GATAD2A: variants seen among roughly 807,000 people sequenced by gnomAD.
GATAD2A encodes the protein transcriptional repressor p66-alpha.
Under a neutral mutation model 68.5 loss-of-function variants are expected in GATAD2A, and 12 were observed. The observed-to-expected ratio is 0.18, with a 90% CI of 0.11 to 0.28. The LOEUF (loss-of-function observed/expected upper bound fraction) is 0.28. Ranked by LOEUF, GATAD2A falls within the 10% of genes least tolerant of loss-of-function variation. The probability of loss-of-function intolerance (pLI) is 1.00; values close to 1 mark genes in which losing one functional copy is unlikely to be tolerated. For missense variants in GATAD2A, 755 were observed against 868.5 expected, an observed-to-expected ratio of 0.87 and a Z score of 1.64; for synonymous variants, 410 against 375.3, an observed-to-expected ratio of 1.09 and a Z score of -1.07.
intron 2 of GATAD2A, among the ~76,000 whole-genome samples, chr19:19,475,400 TTGTG>T (rs2058607468): frequency 6.6e-6 from 1 of 152,142 alleles, no homozygotes; most frequent in Non-Finnish European, 1.5e-5. Flanking sequence ...CATTTTCCCT[TTGTG>T]TGACCACTGG....
At chr19:19,429,937 C>T (rs2053547724) in intron 1 of GATAD2A, among the ~76,000 whole-genome samples, 1 of 152,058 alleles carries the variant, frequency 6.6e-6, no homozygotes, top group African/African-American at 2.4e-5. Flanking sequence ...CAGGGACCGA[C>T]CTGAACACCT....
At chr19:19,401,139 C>CAAAA (rs750599017), upstream of GATAD2A, among the ~76,000 whole-genome samples, 33 of 42,498 alleles carry the variant, frequency 7.8e-4, 1 homozygote, top group Admixed American at 1.5e-3. Flanking sequence ...GACTCTGTCT[C>CAAAA]AAAAAAAAAA....
At chr19:19,388,933 C>T (rs774949663) in intron 1 of GATAD2A, among the ~76,000 whole-genome samples, 1 of 152,000 alleles carries the variant, frequency 6.6e-6, no homozygotes, top group Non-Finnish European at 1.5e-5. Context: ...GAGCAAGAAG[C>T]AGGAAATGGA....
At chr19:19,403,861 C>T (rs545543964), upstream of GATAD2A, among the ~76,000 whole-genome samples, 6 of 152,284 alleles carry the variant, frequency 3.9e-5, no homozygotes, top group East Asian at 7.7e-4. Flanking sequence ...ACCAACCTTG[C>T]GCTTGGGATC....
In GATAD2A at chr19:19,498,553, G is replaced by C. The variant is rs1305259701; in HGVS notation, c.1035G>C (p.Gln345His). ...VTSAESPASR[Q>H]AAAKLALRKQ... ...CTGCCGAGTCTCCAGCAAGCCGACA[G>C]GCGGCCGCCAAGCTGGCGCTGCGCA... Residue 345 changes from glutamine to histidine, a missense_variant, in exon 8 of 12, where the codon CAG (glutamine) becomes CAC (histidine). Coordinates refer to ENST00000683918, the MANE Select transcript of GATAD2A (RefSeq NM_001384528.1). 6.2e-7 allele frequency: 1 copy of C among 1,613,840 alleles called. No homozygotes were observed. Among genetic ancestry groups the C allele is most frequent in the African/African-American group, 1.3e-5 (1 of 74,948 alleles).
intron 9 of GATAD2A, among the ~76,000 whole-genome samples, chr19:19,501,754 T>C (rs983565824): frequency 3.9e-5 from 6 of 152,234 alleles, no homozygotes; most frequent in African/African-American, 1.4e-4. Context: ...ATTTTAATGC[T>C]TCTCCTTCCC....
chr19:19,399,915 A>T (rs999897946), intron 1 of GATAD2A, among the ~76,000 whole-genome samples: 6 of 152,160 alleles, frequency 3.9e-5, no homozygotes, highest in African/African-American at 1.4e-4. Context: ...TATTTATTAG[A>T]CCGATCATGT....
chr19:19,389,863 C>T (rs143425928), intron 1 of GATAD2A, among the ~76,000 whole-genome samples: 5 of 152,150 alleles, frequency 3.3e-5, no homozygotes, highest in South Asian at 4.1e-4. Flanking sequence ...TACTGGCTCA[C>T]GTGATCCTCC....
chr19:19,401,139 CAAAAAAA>C (rs750599017), upstream of GATAD2A, among the ~76,000 whole-genome samples: 3 of 42,524 alleles, frequency 7.1e-5, no homozygotes, highest in African/African-American at 9.4e-5. Context: ...GACTCTGTCT[CAAAAAAA>C]AAAAAAAAAA....
At chr19:19,501,048 G>A in intron 8 of GATAD2A, 70 bp from the exon 9 acceptor site, 2 of 1,394,730 alleles carry the variant, frequency 1.4e-6, no homozygotes, top group African/African-American at 1.4e-5. Flanking sequence ...AGCATCCTGG[G>A]CTGGGGGCGG....
chr19:19,478,784 T>A (rs1364606759), intron 2 of GATAD2A, among the ~76,000 whole-genome samples: 2 of 149,200 alleles, frequency 1.3e-5, no homozygotes, highest in African/African-American at 5.0e-5. Context: ...TACTCCAGGC[T>A]GGACAACCTG....
chr19:19,441,010 T>C (rs1242677544), intron 1 of GATAD2A, among the ~76,000 whole-genome samples: 1 of 145,388 alleles, frequency 6.9e-6, no homozygotes, highest in Non-Finnish European at 1.5e-5. Context: ...TTCCCTTCCT[T>C]CCCTTCCTTC....
chr19:19,482,808 A>G (rs1301321092), intron 2 of GATAD2A, among the ~76,000 whole-genome samples: 2 of 152,020 alleles, frequency 1.3e-5, no homozygotes, highest in African/African-American at 4.8e-5. Flanking sequence ...CTGTATTTCT[A>G]AGCAGAACGT....
chr19:19,414,787 G>A (rs200947932), intron 1 of GATAD2A, among the ~76,000 whole-genome samples: 1 of 146,594 alleles, frequency 6.8e-6, no homozygotes, highest in Non-Finnish European at 1.5e-5. Flanking sequence ...TGCCCACCTT[G>A]GCCTCCCAAA....
intron 2 of GATAD2A, among the ~76,000 whole-genome samples, chr19:19,472,196 G>GTTCTTTCT (rs1185181357): frequency 6.6e-6 from 1 of 152,042 alleles, no homozygotes; most frequent in Admixed American, 6.5e-5. Context: ...CACCAGGCCG[G>GTTCTTTCT]TTCTTTCTGT....
chr19:19,450,170 T>C (rs1014344559), intron 1 of GATAD2A, among the ~76,000 whole-genome samples: 1 of 152,188 alleles, frequency 6.6e-6, no homozygotes, highest in African/African-American at 2.4e-5. Context: ...GTCCTGGTCG[T>C]TGGTCAGATT....
chr19:19,428,719 G>A (rs990641685), intron 1 of GATAD2A, among the ~76,000 whole-genome samples: 2 of 152,172 alleles, frequency 1.3e-5, no homozygotes, highest in Admixed American at 6.5e-5. Context: ...GGGTTTTAGG[G>A]TGGGACACAG....
At chr19:19,394,269 G>T (rs1350044250) in intron 1 of GATAD2A, among the ~76,000 whole-genome samples, 1 of 152,112 alleles carries the variant, frequency 6.6e-6, no homozygotes, top group Non-Finnish European at 1.5e-5. Flanking sequence ...ATTACACTAA[G>T]TGATAAACCG....
chr19:19,461,371 G>A (rs1156695086), intron 1 of GATAD2A, among the ~76,000 whole-genome samples: 6 of 152,188 alleles, frequency 3.9e-5, no homozygotes, highest in African/African-American at 9.7e-5. Context: ...CAAGAGATGC[G>A]TACTGGCCTG....
Sources: gnomAD v4.1 joint callset for allele counts (sites outside exome capture counted in the v4.1 genomes callset) on GRCh38, gnomAD v4.1.1 for gene constraint, MANE v1.5 for transcripts, NCBI Gene and HGNC (gene_info 2026-07-23, HGNC 2026-07-21) for gene names.